Variants in MCM10 observed in about 807,000 individuals in gnomAD.
MCM10 encodes minichromosome maintenance 10 replication initiation factor.
In MCM10, 91 loss-of-function variants were observed where a neutral mutation model predicts 109.9. That is an observed-to-expected ratio of 0.83 (90% CI 0.70 to 0.99). The LOEUF is 0.99. MCM10 is among the 50% of genes least tolerant of loss of function. The pLI, the probability that MCM10 is intolerant of heterozygous loss-of-function variation, is 0.00. For missense variants in MCM10, 1,077 were observed against 1,061.2 expected (o/e 1.01, Z -0.21); for synonymous variants, 380 against 387.2 (o/e 0.98, Z 0.22).
intron 17 of MCM10, among the ~76,000 whole-genome samples, chr10:13,202,589 T>C (rs1338116869): frequency 2.0e-5 from 3 of 152,216 alleles, no homozygotes; most frequent in African/African-American, 7.2e-5. Flanking sequence ...AAAGTAGGGC[T>C]TCCTTGAGAA....
chr10:13,176,799 C>G (rs1834147211), intron 6 of MCM10, among the ~76,000 whole-genome samples: 1 of 152,102 alleles, frequency 6.6e-6, no homozygotes, highest in South Asian at 2.1e-4. Flanking sequence ...GGTGCTGAGG[C>G]AGGAAGTTCG....
chr10:13,190,985 A>G (rs1474916945), intron 10 of MCM10, among the ~76,000 whole-genome samples: 1 of 152,216 alleles, frequency 6.6e-6, no homozygotes, highest in Non-Finnish European at 1.5e-5. Context: ...AAATTTTTGC[A>G]TAATCCTTAA....
Position 13,191,177 on chromosome 10 carries a change from A to G in MCM10, c.1416-122A>G, listed in dbSNP as rs1834342285. 7.5e-6 allele frequency: 5 copies of G among 665,670 alleles called. No homozygotes were observed. The East Asian group carries it at 1.3e-4, about 18-fold the overall frequency. 41.2% of individuals were successfully genotyped at this position (665,670 alleles called of 1,614,324 possible). On this transcript the variant is annotated intron_variant, in intron 10 of 19. Coordinates refer to ENST00000378714, the MANE Select transcript of MCM10 (RefSeq NM_018518.5). ...GCCGTAACATTAAGAAAGCCTACTT[A>G]GATGGTGTTTTGAGAAACTTTGACG...
intron 2 of MCM10, among the ~76,000 whole-genome samples, chr10:13,168,980 C>T (rs1353533397): frequency 2.0e-5 from 3 of 152,194 alleles, no homozygotes; most frequent in Non-Finnish European, 4.4e-5. Context: ...GTAATTTGCA[C>T]GGATGAATAC....
At chr10:13,194,632 G>A (rs757295248) in intron 13 of MCM10, among the ~76,000 whole-genome samples, 4 of 152,174 alleles carry the variant, frequency 2.6e-5, no homozygotes, top group Non-Finnish European at 5.9e-5. Flanking sequence ...TGTCTCACAT[G>A]TATTGTCTCT....
intron 11 of MCM10, 128 bp downstream of exon 11, chr10:13,191,527 C>T: frequency 1.5e-6 from 1 of 667,832 alleles, no homozygotes; most frequent in Non-Finnish European, 2.6e-6. Flanking sequence ...TCAGAAATCA[C>T]CACTAAGAAC....
rs1009048007 is a variant in MCM10 at position 13,209,651 on chromosome 10, A to G, written c.*341A>G. The G allele has an allele frequency of 2.0e-5, 5 of 249,278 alleles. No individual in the cohort carries two copies. Among genetic ancestry groups the G allele is most frequent in the African/African-American group, 6.8e-5 (3 of 44,198 alleles). The allele number at this position is 249,278 out of a possible 1,614,324, so 15.4% of individuals were successfully genotyped here. ...GTTATAGAGTGTTCACTTCTTTATCATAACAAAATTCTAGTGTTTATACGA... is the reference window on the plus strand; with the variant it reads ...GTTATAGAGTGTTCACTTCTTTATCGTAACAAAATTCTAGTGTTTATACGA... On this transcript the variant is annotated 3_prime_UTR_variant, in exon 20 of 20. Transcript: ENST00000378714.
intron 18 of MCM10, chr10:13,204,638 G>A (rs1395842859): frequency 9.3e-6 from 3 of 323,054 alleles, no homozygotes; most frequent in Middle Eastern, 1.8e-3. Context: ...ATAGGGTGAG[G>A]TGGTAAACAT....
intron 7 of MCM10, among the ~76,000 whole-genome samples, chr10:13,180,867 T>C (rs1363015223): frequency 6.6e-6 from 1 of 152,144 alleles, no homozygotes; most frequent in Non-Finnish European, 1.5e-5. Flanking sequence ...TGTCATTGTT[T>C]TGGGTGACAC....
Position 13,175,540 on chromosome 10 carries a change from G to C in MCM10, c.623G>C (p.Ser208Thr). The stretch of plus-strand genomic sequence containing the variant: ...AAAAGCTCATCTTCAAGGATGACAA[G>C]TGCACCCTCCCAACCCCTACAGACG... ...DPKSSSSRMT[S>T]APSQPLQTIS... Residue 208 changes from serine to threonine, a missense_variant, in exon 6 of 20, where the codon AGT becomes ACT. By Grantham distance (58) the Ser-to-Thr change is moderately conservative (BLOSUM62 1). Coordinates refer to ENST00000378714, the MANE Select transcript of MCM10 (RefSeq NM_018518.5). 6.2e-7 allele frequency: 1 copy of C among 1,614,088 alleles called. No individual in the cohort carries two copies. Among genetic ancestry groups the C allele is most frequent in the Non-Finnish European group, 8.5e-7 (1 of 1,179,986 alleles).
intron 2 of MCM10, among the ~76,000 whole-genome samples, chr10:13,166,809 C>G (rs1834007883): frequency 6.6e-6 from 1 of 151,636 alleles, no homozygotes; most frequent in Non-Finnish European, 1.5e-5. Context: ...TTAAGCAGTG[C>G]TGAATGCTTG....
Position 13,198,222 on chromosome 10 carries a change from A to G in MCM10, c.2119+455A>G, listed in dbSNP as rs527883490. On this transcript the variant is annotated intron_variant, in intron 15 of 19. Transcript: ENST00000378714. ...CTGGAACTGATTTTTTTATAATTAC[A>G]TTAAATTGGAATGAAATTGGGCACA... Among the ~76,000 whole-genome samples the G allele has an allele frequency of 2.0e-5, 3 of 152,236 alleles. No individual in the cohort carries two copies. In the South Asian group the frequency reaches 6.2e-4, roughly 32 times the overall value.
At position 13,182,919 on chromosome 10, in the gene MCM10, A is replaced by G. The variant is rs773432073; in HGVS notation, c.931-14A>G. On this transcript the variant is annotated splice_polypyrimidine_tract_variant and intron_variant, in intron 7 of 19. Coordinates refer to ENST00000378714, the MANE Select transcript of MCM10 (RefSeq NM_018518.5). The surrounding 1 kb of genome is among the most constrained non-coding windows in gnomAD (Gnocchi z 4.2). The stretch of plus-strand genomic sequence containing the variant: ...CTACAGTTCAAAATTATAAAAAATA[A>G]CTATTTGTTCCAGGGAAAAACCTTC... 6.2e-7 allele frequency: 1 copy of G among 1,602,702 alleles called. No homozygotes were observed. Among genetic ancestry groups the G allele is most frequent in the Non-Finnish European group, 8.5e-7 (1 of 1,173,446 alleles).
At chr10:13,167,984 T>G (rs1431217020) in intron 2 of MCM10, among the ~76,000 whole-genome samples, 1 of 152,026 alleles carries the variant, frequency 6.6e-6, no homozygotes, top group Non-Finnish European at 1.5e-5. Flanking sequence ...AGAGAAGACA[T>G]GATTTTTGGT....
At chr10:13,203,886 G>A (rs1834532970) in intron 17 of MCM10, among the ~76,000 whole-genome samples, 1 of 152,160 alleles carries the variant, frequency 6.6e-6, no homozygotes, top group South Asian at 2.1e-4. Context: ...AGCACAGACT[G>A]ACCGAAGCTA....
chr10:13,204,124 C>T (rs1342247723), intron 17 of MCM10, 95 bp from the exon 18 acceptor site: 26 of 1,454,992 alleles, frequency 1.8e-5, no homozygotes, highest in Non-Finnish European at 2.3e-5. Context: ...GATGAGAGAC[C>T]AGGTGGTCAT....
intron 2 of MCM10, among the ~76,000 whole-genome samples, chr10:13,166,688 A>G (rs12258532): frequency 0.013 from 1,768 of 135,770 alleles, 53 homozygotes; most frequent in African/African-American, 0.043. Flanking sequence ...ATATATATAT[A>G]TCATCAGCTA....
At chr10:13,178,483 A>G (rs1350829243) in intron 6 of MCM10, among the ~76,000 whole-genome samples, 2 of 152,156 alleles carry the variant, frequency 1.3e-5, no homozygotes, top group African/African-American at 4.8e-5. Flanking sequence ...TCCCTGCACC[A>G]TTTGTTGAAG....
intron 10 of MCM10, among the ~76,000 whole-genome samples, chr10:13,190,836 T>A (rs927542925): frequency 2.0e-5 from 3 of 152,208 alleles, no homozygotes; most frequent in Admixed American, 6.5e-5. Context: ...ATAATTAATG[T>A]TTTTCTCATG....
Sources: gnomAD v4.1 joint callset for allele counts (sites outside exome capture counted in the v4.1 genomes callset) on GRCh38, gnomAD v4.1.1 for gene constraint, Gnocchi (gnomAD v3.1) non-coding constraint, MANE v1.5 for transcripts, NCBI Gene and HGNC (gene_info 2026-07-23, HGNC 2026-07-21) for gene names.